GRID2: variants seen among roughly 807,000 people sequenced by gnomAD.
The protein encoded by GRID2 is glutamate ionotropic receptor delta type subunit 2.
GRID2 carries 33 observed loss-of-function variants against 114.8 expected under a neutral mutation model. The observed-to-expected ratio is 0.29, with a 90% CI of 0.22 to 0.38. The LOEUF (loss-of-function observed/expected upper bound fraction) is 0.38, where lower values mean the gene tolerates loss of function less well. GRID2 is among the 10% of genes least tolerant of loss of function. The pLI, the probability that GRID2 is intolerant of heterozygous loss-of-function variation, is 1.00. For missense variants in GRID2, 1,184 were observed against 1,257.7 expected (o/e 0.94, Z 0.89); for synonymous variants, 505 against 449.9 (o/e 1.12, Z -1.55).
chr4:92,714,562 C>A (rs1735438750), intron 2 of GRID2, among the ~76,000 whole-genome samples: 3 of 152,184 alleles, frequency 2.0e-5, no homozygotes, highest in Admixed American at 1.3e-4. Flanking sequence ...GAGCCTTATG[C>A]CTGCCACAAA....
At position 92,420,520 on chromosome 4, in the gene GRID2, GT is replaced by G. The variant is rs536273630; in HGVS notation, c.88+115779del. Among the ~76,000 whole-genome samples the G allele has an allele frequency of 7.9e-5, 12 of 152,164 alleles. No individual in the cohort carries two copies. The East Asian group carries it at 2.3e-3, about 29-fold the overall frequency. Reference sequence around the variant, plus strand: ...TTATAAGACAAATCATATTTTTGTTGTTTACAAGGTTTGTTTTCATATTTGA... The same window carrying G: ...TTATAAGACAAATCATATTTTTGTTGTTACAAGGTTTGTTTTCATATTTGA... On this transcript the variant is annotated intron_variant, in intron 1 of 15. Coordinates refer to ENST00000282020, the MANE Select transcript of GRID2 (RefSeq NM_001510.4).
intron 13 of GRID2, among the ~76,000 whole-genome samples, chr4:93,543,166 A>G (rs1364755090): frequency 6.6e-6 from 1 of 152,138 alleles, no homozygotes; most frequent in Admixed American, 6.5e-5. Flanking sequence ...TGCTACCAAT[A>G]TTTCCTAAAG....
intron 2 of GRID2, among the ~76,000 whole-genome samples, chr4:92,940,817 T>G (rs1751059200): frequency 6.6e-6 from 1 of 152,180 alleles, no homozygotes; most frequent in East Asian, 1.9e-4. Context: ...GTGCATCTAT[T>G]GAGATAATCA....
At chr4:93,469,133 C>T (rs551091757) in intron 11 of GRID2, among the ~76,000 whole-genome samples, 1 of 152,062 alleles carries the variant, frequency 6.6e-6, no homozygotes, top group South Asian at 2.1e-4. Flanking sequence ...CTGAAGAAGG[C>T]CATTCTTTTC....
intron 8 of GRID2, among the ~76,000 whole-genome samples, chr4:93,388,332 A>C (rs1764526138): frequency 6.6e-6 from 1 of 152,172 alleles, no homozygotes; most frequent in Non-Finnish European, 1.5e-5. Flanking sequence ...TCATCTTCAT[A>C]ACTTTACACA....
rs112191102 is a variant in GRID2, at chr4:93,012,910, C to CAT, written c.245-72075_245-72074dup. Among the ~76,000 whole-genome samples the CAT allele has an allele frequency of 6.6e-5, 10 of 151,708 alleles. No homozygotes were observed. The South Asian group carries it at 8.3e-4, about 13-fold the overall frequency. On this transcript the variant is annotated intron_variant, in intron 2 of 15. Coordinates refer to ENST00000282020, the MANE Select transcript of GRID2 (RefSeq NM_001510.4). ...GACATATATCTATGAATATATATGACATATATATATAAAACATTTATCATT... is the reference window on the plus strand; with the variant it reads ...GACATATATCTATGAATATATATGACATATATATATATAAAACATTTATCATT...
intron 1 of GRID2, among the ~76,000 whole-genome samples, chr4:92,481,981 GATATATATATAT>G (rs35103752): frequency 0.013 from 630 of 47,008 alleles, 11 homozygotes; most frequent in South Asian, 0.018. Flanking sequence ...AATAAAATGT[GATATATATATAT>G]ATATATATAT....
At chr4:92,399,349 C>A (rs985713509) in intron 1 of GRID2, among the ~76,000 whole-genome samples, 7 of 152,128 alleles carry the variant, frequency 4.6e-5, no homozygotes, top group Non-Finnish European at 1.0e-4. Flanking sequence ...TTCCCGTCTT[C>A]CTTCAGGCCC....
intron 1 of GRID2, among the ~76,000 whole-genome samples, chr4:92,375,932 G>GT (rs1729334285): frequency 6.6e-6 from 1 of 151,788 alleles, no homozygotes; most frequent in Non-Finnish European, 1.5e-5. Context: ...ATTGCTTACT[G>GT]ATATTTTTTT....
intron 1 of GRID2, among the ~76,000 whole-genome samples, chr4:92,509,686 G>C (rs1180262979): frequency 6.6e-6 from 1 of 151,860 alleles, no homozygotes; most frequent in African/African-American, 2.4e-5. Context: ...GGTTGAAAAG[G>C]GCATTTCTTT....
intron 2 of GRID2, among the ~76,000 whole-genome samples, chr4:92,903,716 G>C (rs1747749146): frequency 6.6e-6 from 1 of 151,866 alleles, no homozygotes; most frequent in South Asian, 2.1e-4. Context: ...ATTTTTGTTT[G>C]AGGCGAGTTG....
intron 14 of GRID2, among the ~76,000 whole-genome samples, chr4:93,667,389 T>C (rs1724039554): frequency 2.1e-5 from 3 of 139,606 alleles, no homozygotes; most frequent in Admixed American, 1.4e-4. Context: ...TCTCTCTCTC[T>C]TTTTTTTTTT....
chr4:93,221,071 G>A (rs114087004), intron 6 of GRID2, among the ~76,000 whole-genome samples: 543 of 152,314 alleles, frequency 3.6e-3, no homozygotes, highest in Non-Finnish European at 5.7e-3. Context: ...GGTAAATTCA[G>A]TGTGTGTATC....
rs188630855 is a variant in GRID2, at chr4:92,890,645, A to G, written c.245-194350A>G. ...CTGGAGAGGATGAGGAGAAATAGGA[A>G]TGCTTTTACACTGTTGGTGGGAGTG... On this transcript the variant is annotated intron_variant, in intron 2 of 15. Coordinates refer to ENST00000282020, the MANE Select transcript of GRID2 (RefSeq NM_001510.4). Among the ~76,000 whole-genome samples, 8 of 152,322 alleles carry G rather than the reference A, an allele frequency of 5.3e-5. No individual in the cohort carries two copies. In the East Asian group the frequency reaches 1.5e-3, roughly 29 times the overall value.
chr4:93,545,694 T>G (rs1000143194), intron 13 of GRID2, among the ~76,000 whole-genome samples: 1 of 152,216 alleles, frequency 6.6e-6, no homozygotes, highest in South Asian at 2.1e-4. Flanking sequence ...ATGGTGGTCT[T>G]TATCTAGGTG....
intron 12 of GRID2, among the ~76,000 whole-genome samples, chr4:93,506,584 G>A (rs1381295138): frequency 2.6e-5 from 4 of 152,150 alleles, no homozygotes; most frequent in Non-Finnish European, 4.4e-5. Flanking sequence ...ACTCAGGACA[G>A]GAGTGGGGAA....
chr4:92,409,301 C>G (rs1397684870), intron 1 of GRID2, among the ~76,000 whole-genome samples: 1 of 152,038 alleles, frequency 6.6e-6, no homozygotes, highest in Non-Finnish European at 1.5e-5. Context: ...TCCCTCATTA[C>G]AGAGTTACCA....
chr4:93,152,131 G>C (rs1343516478), intron 4 of GRID2, among the ~76,000 whole-genome samples: 5 of 152,114 alleles, frequency 3.3e-5, no homozygotes, highest in Non-Finnish European at 7.4e-5. Context: ...CTTTGTTTCA[G>C]CTTACAGAGT....
chr4:93,086,152 CAT>C (rs888193249), intron 3 of GRID2, among the ~76,000 whole-genome samples: 16 of 152,084 alleles, frequency 1.1e-4, no homozygotes, highest in East Asian at 5.8e-4. Context: ...TATTTTGAAA[CAT>C]GTGTTTTCTT....
Sources: allele counts gnomAD v4.1 joint callset (sites outside exome capture counted in the v4.1 genomes callset), GRCh38; gene constraint gnomAD v4.1.1; transcripts MANE v1.5; gene names NCBI Gene and HGNC (gene_info 2026-07-23, HGNC 2026-07-21).